Variants in LRP3 observed in about 807,000 individuals in gnomAD.
LRP3 encodes the protein low-density lipoprotein receptor-related protein 3.
LRP3 carries 49 observed loss-of-function variants against 58.5 expected under a neutral mutation model. The ratio of observed to expected loss-of-function variants is 0.84; its 90% CI spans 0.67 to 1.06. The LOEUF is 1.06. Ranked by LOEUF, LRP3 falls within the 50% of genes least tolerant of loss-of-function variation. LRP3 has a pLI of 0.00. For missense variants in LRP3, 1,019 were observed against 1,134.2 expected (o/e 0.90, Z 1.46); for synonymous variants, 485 against 492.2 (o/e 0.99, Z 0.20).
Position 33,208,106 on chromosome 19 carries a change from G to C in LRP3, c.*531G>C. On this transcript the variant is annotated 3_prime_UTR_variant, in exon 7 of 7. Coordinates refer to ENST00000253193, the MANE Select transcript of LRP3 (RefSeq NM_002333.4). The surrounding 1 kb of genome is among the most constrained non-coding windows in gnomAD (Gnocchi z 4.7). ...GCAGGCGCCCTTTGCCCTCCCTGAA[G>C]GTCCAATCTCCTGGGCACCGTGGAA... is the stretch of plus-strand genomic sequence containing the variant. 1 of 164,116 alleles carries C rather than the reference G, an allele frequency of 6.1e-6. No individual in the cohort carries two copies. The highest frequency in any genetic ancestry group is 1.3e-5 in the Non-Finnish European group (1 of 74,622). 10.2% of individuals were successfully genotyped at this position (164,116 alleles called of 1,614,324 possible).
chr19:33,206,294 TG>T lies in LRP3; in HGVS notation c.1526del (p.Gly509AlafsTer29). ...CGGCGCTCATTGGCAGCCTGGTGTG[TG>T]GCCTGCTGCTGGTCATCGCGCTGGG... is the stretch of plus-strand genomic sequence containing the variant. ...TAALIGSLVC[G>X]LLLVIALGCA... On this transcript the variant is annotated frameshift_variant, in exon 5 of 7. Transcript: ENST00000253193. LOFTEE classifies it high-confidence loss of function. 1 of 1,598,530 alleles carries T rather than the reference TG, an allele frequency of 6.3e-7. No individual in the cohort carries two copies.
At chr19:33,199,753 C>T (rs1974322420) in intron 2 of LRP3, among the ~76,000 whole-genome samples, 1 of 152,190 alleles carries the variant, frequency 6.6e-6, no homozygotes, top group Non-Finnish European at 1.5e-5. Context: ...TTCCTCTGCT[C>T]CTGATGTGGC....
rs1459996448 is a variant in LRP3, at chr19:33,194,821, G to T, written c.36G>T (p.Ala12=). 9.2e-6 allele frequency: 10 copies of T among 1,086,882 alleles called. No homozygotes were observed. Among genetic ancestry groups the T allele is most frequent in the Non-Finnish European group, 1.1e-5 (10 of 896,792 alleles). The allele number at this position is 1,086,882 out of a possible 1,614,324, so 67.3% of individuals were successfully genotyped here. The change falls in exon 1 of 7, where the codon GCG becomes GCT. Residue 12 remains alanine (A), a synonymous_variant. Transcript: ENST00000253193. ...GCGCGGCCGCGGGGCTGGAGGGCGC[G>T]CCGGGCGCCCGGGCGCAGCTGGCCG... ...EKRAAAGLEG[A]PGARAQLAVV... is the part of the protein sequence containing the mutation.
chr19:33,206,436 T>G, intron 5 of LRP3, 74 bp downstream of exon 5: 1 of 1,596,162 alleles, frequency 6.3e-7, no homozygotes, highest in Non-Finnish European at 8.5e-7. Flanking sequence ...AGCTGTGGGT[T>G]TGCAAACGGG....
chr19:33,199,195 C>T (rs973070498), intron 2 of LRP3, among the ~76,000 whole-genome samples: 25 of 152,162 alleles, frequency 1.6e-4, no homozygotes, highest in African/African-American at 1.7e-4. Flanking sequence ...ACTGCCTGCC[C>T]GCTGCTACAC....
In LRP3 at chr19:33,194,867, G is replaced by A. The variant is rs1459985638; in HGVS notation, c.73+9G>A. 1 of 1,113,768 alleles carries A rather than the reference G, an allele frequency of 9.0e-7. No homozygotes were observed. The highest frequency in any genetic ancestry group is 1.1e-6 in the Non-Finnish European group (1 of 911,582). The allele number at this position is 1,113,768 out of a possible 1,614,324, so 69.0% of individuals were successfully genotyped here. On this transcript the variant is annotated intron_variant, in intron 1 of 6. Coordinates refer to ENST00000253193, the MANE Select transcript of LRP3 (RefSeq NM_002333.4). ...GGCCGTCGTCTGTCTGGGTGAGTGG[G>A]CCGCGCGGGCCGGGCAGGTCCGGGT...
At chr19:33,195,387 G>A (rs1974275407) in intron 1 of LRP3, among the ~76,000 whole-genome samples, 1 of 152,134 alleles carries the variant, frequency 6.6e-6, no homozygotes, top group Non-Finnish European at 1.5e-5. Flanking sequence ...GTTCAGTTTA[G>A]GAGGGTGCTT....
In LRP3 at chr19:33,207,847, G is replaced by A; in HGVS notation, c.*272G>A. On this transcript the variant is annotated 3_prime_UTR_variant, in exon 7 of 7. Coordinates refer to ENST00000253193, the MANE Select transcript of LRP3 (RefSeq NM_002333.4). ...ACTTCTCTCCCCCCACTCCATTCTGGGAACCCATTTCCAGAGAAGCAGGGG... is the reference window on the plus strand; with the variant it reads ...ACTTCTCTCCCCCCACTCCATTCTGAGAACCCATTTCCAGAGAAGCAGGGG... 1 of 517,164 alleles carries A rather than the reference G, an allele frequency of 1.9e-6. No homozygotes were observed. Among genetic ancestry groups the A allele is most frequent in the East Asian group, 3.5e-5 (1 of 28,774 alleles). The allele number at this position is 517,164 out of a possible 1,614,324, so 32.0% of individuals were successfully genotyped here.
intron 3 of LRP3, 64 bp downstream of exon 3, chr19:33,203,050 A>ATG (rs528602374): frequency 6.4e-7 from 1 of 1,572,016 alleles, no homozygotes; most frequent in Non-Finnish European, 8.7e-7. Context: ...GTGGGTGAGA[A>ATG]TGTGTGTGTG....
chr19:33,197,237 G>A (rs1033278666), intron 2 of LRP3, among the ~76,000 whole-genome samples: 3 of 152,146 alleles, frequency 2.0e-5, no homozygotes, highest in Non-Finnish European at 4.4e-5. Flanking sequence ...GACATGCCAC[G>A]CCATGCAGGG....
At chr19:33,195,522 C>G (rs1202503637) in intron 1 of LRP3, among the ~76,000 whole-genome samples, 1 of 152,158 alleles carries the variant, frequency 6.6e-6, no homozygotes, top group Non-Finnish European at 1.5e-5. Flanking sequence ...AATCCCCAAC[C>G]CACATGGCTC....
At chr19:33,198,750 A>G (rs1246521432) in intron 2 of LRP3, among the ~76,000 whole-genome samples, 1 of 152,202 alleles carries the variant, frequency 6.6e-6, no homozygotes, top group Non-Finnish European at 1.5e-5. Flanking sequence ...CCCTGAAGCT[A>G]CTGTGGCTCC....
intron 3 of LRP3, chr19:33,204,422 G>T: frequency 3.4e-6 from 2 of 583,248 alleles, no homozygotes; most frequent in South Asian, 2.2e-5. Context: ...AATTCTTCAT[G>T]GAGCCTCCCG....
Position 33,202,973 on chromosome 19 carries a change from A to C in LRP3, c.247A>C (p.Met83Leu), listed in dbSNP as rs1244517108. The C allele has an allele frequency of 6.2e-7, 1 of 1,613,154 alleles. No individual in the cohort carries two copies. The highest frequency in any genetic ancestry group is 8.5e-7 in the Non-Finnish European group (1 of 1,179,796). ...GTACATCCAGGGCGACCGTGGTGAC[A>C]TGATTACCATCAGGTAGGGGCACCC... ...SWYIQGDRGD[M>L]ITISFRNFDV... is the part of the protein sequence containing the mutation. The change falls in exon 3 of 7, where the codon ATG becomes CTG. Residue 83 changes from methionine (M) to leucine (L), a missense_variant. Transcript: ENST00000253193.
chr19:33,199,602 C>T (rs1156625670), intron 2 of LRP3, among the ~76,000 whole-genome samples: 1 of 152,216 alleles, frequency 6.6e-6, no homozygotes, highest in African/African-American at 2.4e-5. Context: ...TGGTCTCTGC[C>T]AACCCGCTTT....
chr19:33,203,253 G>A (rs1044073570), intron 3 of LRP3, among the ~76,000 whole-genome samples: 5 of 151,882 alleles, frequency 3.3e-5, no homozygotes, highest in African/African-American at 4.8e-5. Context: ...TGAGGTAGGC[G>A]TGTGTAGGTA....
chr19:33,202,466 C>A (rs927992449), intron 2 of LRP3, among the ~76,000 whole-genome samples: 1 of 152,170 alleles, frequency 6.6e-6, no homozygotes, highest in African/African-American at 2.4e-5. Flanking sequence ...TGGGCTATGC[C>A]GGCTGGGCAG....
chr19:33,206,856 C>T, intron 6 of LRP3, 123 bp downstream of exon 6: 1 of 1,258,070 alleles, frequency 7.9e-7, no homozygotes, highest in South Asian at 1.6e-5. Flanking sequence ...GGGCCCATGG[C>T]CAGGTGGGGG....
chr19:33,197,813 A>T (rs11879982), intron 2 of LRP3, among the ~76,000 whole-genome samples: 1 of 152,050 alleles, frequency 6.6e-6, no homozygotes, highest in Non-Finnish European at 1.5e-5. Flanking sequence ...TGCTGTGGTC[A>T]AAGGGGAGGC....
Sources: gnomAD v4.1 joint callset for allele counts (sites outside exome capture counted in the v4.1 genomes callset) on GRCh38, gnomAD v4.1.1 for gene constraint, Gnocchi (gnomAD v3.1) non-coding constraint, MANE v1.5 for transcripts, NCBI Gene and HGNC (gene_info 2026-07-23, HGNC 2026-07-21) for gene names.